Variants in WDR1 observed in about 807,000 individuals in gnomAD.
WDR1 encodes the protein WD repeat domain 1.
WDR1 carries 21 observed loss-of-function variants against 71.9 expected under a neutral mutation model. The ratio of observed to expected loss-of-function variants is 0.29; its 90% CI spans 0.21 to 0.42. The LOEUF (loss-of-function observed/expected upper bound fraction) is 0.42. Ranked by LOEUF, WDR1 falls within the 10% of genes least tolerant of loss-of-function variation. The probability of loss-of-function intolerance (pLI) is 1.00; values close to 1 mark genes in which losing one functional copy is unlikely to be tolerated. For synonymous variants in WDR1, 424 were observed against 347.4 expected, an observed-to-expected ratio of 1.22 and a Z score of -2.45; for missense variants, 696 against 824.5, an observed-to-expected ratio of 0.84 and a Z score of 1.91.
At chr4:10,076,793 T>G (rs1578412265) in intron 14 of WDR1, 1 of 153,086 alleles carries the variant, frequency 6.5e-6, no homozygotes, top group Non-Finnish European at 1.5e-5. Context: ...GAGGGGAGGG[T>G]TTGGACAACA....
In WDR1 at chr4:10,086,730, G is replaced by A. The variant is rs950986321; in HGVS notation, c.951+977C>T. On this transcript the variant is annotated intron_variant, in intron 8 of 14. Transcript: ENST00000499869. ...AGTGCTAGGGTTTGTCTCCCCGAGTGGCTTAAAGCAGGAGCCCGAGAAGGG... is the reference window on the plus strand; with the variant it reads ...AGTGCTAGGGTTTGTCTCCCCGAGTAGCTTAAAGCAGGAGCCCGAGAAGGG... Among the ~76,000 whole-genome samples, 6 of 152,340 alleles carry A rather than the reference G, an allele frequency of 3.9e-5. No individual in the cohort carries two copies. The South Asian group carries it at 1.0e-3, about 26-fold the overall frequency.
Position 10,077,347 on chromosome 4 carries a change from A to G in WDR1, c.1671T>C (p.Tyr557=), listed in dbSNP as rs766682425. ...TTTCCGGGTCACTCAGGGTCCAAAC[A>G]TACACCATCATGTCCATGCCACCGG... ...FASGGMDMMV[Y]VWTLSDPETR... The change falls in exon 14 of 15, where the codon TAT becomes TAC. Residue 557 remains tyrosine (Y), a synonymous_variant. Transcript: ENST00000499869. 4 of 1,613,866 alleles carry G rather than the reference A, an allele frequency of 2.5e-6. No homozygotes were observed. The African/African-American group carries it at 5.3e-5, about 22-fold the overall frequency.
intron 4 of WDR1, 92 bp from the exon 5 acceptor site, chr4:10,097,983 GCA>G (rs1352373151): frequency 2.3e-6 from 3 of 1,310,676 alleles, no homozygotes; most frequent in African/African-American, 3.0e-5. Flanking sequence ...AGCTGCCAGT[GCA>G]CAGAGGATGG....
At chr4:10,103,686 C>G (rs992505020) in intron 3 of WDR1, among the ~76,000 whole-genome samples, 1 of 152,152 alleles carries the variant, frequency 6.6e-6, no homozygotes, top group Non-Finnish European at 1.5e-5. Flanking sequence ...CATGGGCCAC[C>G]GGTTGGACAA....
At chr4:10,087,055 T>A (rs1252637838) in intron 8 of WDR1, among the ~76,000 whole-genome samples, 1 of 152,212 alleles carries the variant, frequency 6.6e-6, no homozygotes, top group Admixed American at 6.5e-5. Context: ...TTGGCTCAAG[T>A]GAACCCTTCC....
intron 11 of WDR1, among the ~76,000 whole-genome samples, chr4:10,080,403 C>G (rs1290073037): frequency 6.6e-6 from 1 of 152,246 alleles, no homozygotes; most frequent in Non-Finnish European, 1.5e-5. Context: ...TTCCCCCAGG[C>G]CCCGAGGCGC....
rs1711726689 is a variant in WDR1, at chr4:10,088,356, C to T, written c.654G>A (p.Gly218=). 6.4e-7 allele frequency: 1 copy of T among 1,558,458 alleles called. No individual in the cohort carries two copies. Among genetic ancestry groups the T allele is most frequent in the African/African-American group, 1.4e-5 (1 of 73,414 alleles). ...GCGCGCACACCTTCTCCCCAGTCTT[C>T]CCGTCATAGATGTATATCTTCCAAG... is the stretch of plus-strand genomic sequence containing the variant. ...SADGQIYIYD[G]KTGEKVCALG... The change falls in exon 7 of 15, where the codon GGG becomes GGA. Residue 218 remains glycine, a synonymous_variant. Coordinates refer to ENST00000499869, the MANE Select transcript of WDR1 (RefSeq NM_017491.5).
At chr4:10,090,542 G>T (rs1458195313) in intron 5 of WDR1, among the ~76,000 whole-genome samples, 2 of 152,166 alleles carry the variant, frequency 1.3e-5, no homozygotes, top group African/African-American at 4.8e-5. Context: ...TGGCACAAAA[G>T]CAACCCTGGG....
intron 4 of WDR1, 148 bp downstream of exon 4, chr4:10,098,844 C>T: frequency 8.9e-7 from 1 of 1,126,770 alleles, no homozygotes; most frequent in African/African-American, 1.5e-5. Context: ...CTGCAGCCAG[C>T]CCTCACGGGG....
intron 8 of WDR1, 43 bp from the exon 9 acceptor site, chr4:10,084,573 G>A: frequency 3.2e-6 from 5 of 1,579,124 alleles, no homozygotes; most frequent in Non-Finnish European, 3.5e-6. Flanking sequence ...ATGACACACT[G>A]CCCTGCCCTC....
rs1712447977 is a variant in WDR1, at chr4:10,097,906, A to G, written c.378-15T>C. The G allele has an allele frequency of 6.8e-7, 1 of 1,481,126 alleles. No homozygotes were observed. The highest frequency in any genetic ancestry group is 9.1e-7 in the Non-Finnish European group (1 of 1,103,624). The allele number at this position is 1,481,126 out of a possible 1,614,324, so 91.7% of individuals were successfully genotyped here. On this transcript the variant is annotated splice_polypyrimidine_tract_variant and intron_variant, in intron 4 of 14. Coordinates refer to ENST00000499869, the MANE Select transcript of WDR1 (RefSeq NM_017491.5). ...CTGCTCCAAACCTTGACCCAATGAC[A>G]CAGGTGGAAGACAAAAAAAAAAAAA...
intron 14 of WDR1, 82 bp from the exon 15 acceptor site, chr4:10,075,566 C>T (rs1217803191): frequency 1.5e-6 from 2 of 1,310,602 alleles, no homozygotes; most frequent in Non-Finnish European, 2.2e-6. Flanking sequence ...ATGGAACAAC[C>T]TGTGCCTAAA....
chr4:10,089,725 A>G (rs1029953855), intron 5 of WDR1, among the ~76,000 whole-genome samples: 1 of 152,206 alleles, frequency 6.6e-6, no homozygotes, highest in Non-Finnish European at 1.5e-5. Flanking sequence ...ACTAACCTTC[A>G]GGAAAAGCAA....
chr4:10,094,181 C>T (rs1251013229), intron 5 of WDR1, among the ~76,000 whole-genome samples: 2 of 152,164 alleles, frequency 1.3e-5, no homozygotes, highest in African/African-American at 2.4e-5. Flanking sequence ...TAAGGCTGAG[C>T]CCCCAGGACG....
At chr4:10,100,539 T>C (rs1456484624) in intron 3 of WDR1, among the ~76,000 whole-genome samples, 1 of 152,198 alleles carries the variant, frequency 6.6e-6, no homozygotes, top group Non-Finnish European at 1.5e-5. Context: ...AGCCATCCTC[T>C]GAGATGAGGG....
chr4:10,077,739 C>A lies in WDR1; in HGVS notation c.1569+14G>T. 6.4e-7 allele frequency: 1 copy of A among 1,559,366 alleles called. No homozygotes were observed. Among genetic ancestry groups the A allele is most frequent in the East Asian group, 2.3e-5 (1 of 42,712 alleles). ...CCCAGCACGGGGACAGAGGAGGAGC[C>A]CGCCGCCACTCACCGAGTAGCCGTC... On this transcript the variant is annotated intron_variant, in intron 13 of 14. Coordinates refer to ENST00000499869, the MANE Select transcript of WDR1 (RefSeq NM_017491.5).
At chr4:10,078,740 C>T (rs1295636996) in intron 12 of WDR1, 151 bp downstream of exon 12, 2 of 630,028 alleles carry the variant, frequency 3.2e-6, no homozygotes, top group Non-Finnish European at 5.4e-6. Context: ...GTGGCTGGGC[C>T]CCAGAGCAGG....
chr4:10,081,562 T>C, intron 10 of WDR1, 118 bp from the exon 11 acceptor site: 1 of 810,930 alleles, frequency 1.2e-6, no homozygotes, highest in Non-Finnish European at 2.0e-6. Context: ...TATTGCCACC[T>C]ATACTGGAGA....
chr4:10,082,284 C>A (rs1765047434), intron 10 of WDR1, among the ~76,000 whole-genome samples: 1 of 152,170 alleles, frequency 6.6e-6, no homozygotes, highest in African/African-American at 2.4e-5. Context: ...GCACCCTGTG[C>A]CAGGCTCCCA....
Sources: allele counts gnomAD v4.1 joint callset (sites outside exome capture counted in the v4.1 genomes callset), GRCh38; gene constraint gnomAD v4.1.1; transcripts MANE v1.5; gene names NCBI Gene and HGNC (gene_info 2026-07-23, HGNC 2026-07-21).